CD80: variants seen among roughly 807,000 people sequenced by gnomAD.
The protein encoded by CD80 is CD80 molecule.
A neutral mutation model predicts 27.1 loss-of-function variants in CD80; 13 were observed. The ratio of observed to expected loss-of-function variants is 0.48; its 90% CI spans 0.31 to 0.76. The LOEUF (loss-of-function observed/expected upper bound fraction) is 0.76. Ranked by LOEUF, CD80 falls within the 30% of genes least tolerant of loss-of-function variation. The pLI is 0.04. For missense variants in CD80, 277 were observed against 347.9 expected, an observed-to-expected ratio of 0.80 and a Z score of 1.62; for synonymous variants, 125 against 125.5, an observed-to-expected ratio of 1.00 and a Z score of 0.03.
At chr3:119,525,856 A>C in intron 6 of CD80, 107 bp from the exon 7 acceptor site, 1 of 142,286 alleles carries the variant, frequency 7.0e-6, no homozygotes, top group South Asian at 2.1e-4. Flanking sequence ...TTTAAATTAT[A>C]TATGTATATA....
intron 3 of CD80, among the ~76,000 whole-genome samples, chr3:119,542,052 G>T (rs964712045): frequency 2.1e-5 from 3 of 144,168 alleles, no homozygotes; most frequent in African/African-American, 7.7e-5. Flanking sequence ...TATATTTGTG[G>T]TGCCACCCCC....
intron 4 of CD80, among the ~76,000 whole-genome samples, 196 bp from the exon 5 acceptor site, chr3:119,530,133 T>C (rs892149492): frequency 3.9e-5 from 6 of 152,196 alleles, no homozygotes; most frequent in Non-Finnish European, 7.3e-5. Context: ...AGATGTCACA[T>C]ATTAAAAGTG....
chr3:119,539,082 A>C (rs184285910), intron 3 of CD80, among the ~76,000 whole-genome samples: 3 of 152,340 alleles, frequency 2.0e-5, no homozygotes, highest in Non-Finnish European at 2.9e-5. Context: ...AAAAACTCTG[A>C]ACCACATCAG....
intron 3 of CD80, among the ~76,000 whole-genome samples, chr3:119,538,954 C>CA (rs1179379925): frequency 1.3e-5 from 2 of 151,938 alleles, no homozygotes; most frequent in Non-Finnish European, 1.5e-5. Flanking sequence ...CCCCATACCC[C>CA]AAAAAAACAC....
chr3:119,534,393 G>GAAA (rs71293250), intron 4 of CD80, among the ~76,000 whole-genome samples: 1 of 143,366 alleles, frequency 7.0e-6, no homozygotes. Context: ...AAAAGAAAAA[G>GAAA]AAAAAAAAAA....
intron 4 of CD80, among the ~76,000 whole-genome samples, chr3:119,536,815 A>G (rs1337775412): frequency 6.6e-6 from 1 of 152,218 alleles, no homozygotes; most frequent in African/African-American, 2.4e-5. Flanking sequence ...ATAAAATTAT[A>G]ATACCGTATT....
intron 5 of CD80, among the ~76,000 whole-genome samples, chr3:119,528,044 G>A (rs546670127): frequency 2.6e-5 from 4 of 152,110 alleles, no homozygotes; most frequent in Non-Finnish European, 4.4e-5. Flanking sequence ...TTTGATTGTC[G>A]CAACGGGCAA....
At chr3:119,554,281 A>G (rs1159699226) in intron 2 of CD80, among the ~76,000 whole-genome samples, 3 of 152,126 alleles carry the variant, frequency 2.0e-5, no homozygotes, top group Non-Finnish European at 2.9e-5. Flanking sequence ...ACTTTGGGGT[A>G]TTCTCTTTTC....
intron 3 of CD80, among the ~76,000 whole-genome samples, chr3:119,539,504 T>C (rs2082156165): frequency 6.6e-6 from 1 of 152,076 alleles, no homozygotes; most frequent in African/African-American, 2.4e-5. Context: ...TCACCACACT[T>C]TATTGTTTTT....
chr3:119,527,667 TG>T lies in CD80; in HGVS notation c.*38+65del, dbSNP rs1351156104. 9.6e-5 allele frequency: 89 copies of T among 928,546 alleles called. 2 individuals carry two copies. The East Asian group carries it at 1.8e-3, about 19-fold the overall frequency. 57.5% of individuals were successfully genotyped at this position (928,546 alleles called of 1,614,324 possible). ...GGTAGTGGGTAAAACAGCTTAAATT[TG>T]TTAAGGGAAGAATGCCTCATGATCC... On this transcript the variant is annotated intron_variant, in intron 6 of 6. Coordinates refer to ENST00000264246, the MANE Select transcript of CD80 (RefSeq NM_005191.4).
intron 3 of CD80, among the ~76,000 whole-genome samples, chr3:119,543,442 T>G (rs921649852): frequency 1.3e-5 from 2 of 151,410 alleles, no homozygotes; most frequent in African/African-American, 4.9e-5. Context: ...AGGGAAATGC[T>G]CACCCTCCTC....
chr3:119,549,316 A>G (rs1324712545), intron 2 of CD80, among the ~76,000 whole-genome samples: 3 of 152,208 alleles, frequency 2.0e-5, no homozygotes, highest in African/African-American at 7.2e-5. Context: ...ATATCAGCAT[A>G]TCAATATCTA....
chr3:119,556,945 C>A (rs2082267729), intron 2 of CD80, among the ~76,000 whole-genome samples: 1 of 152,096 alleles, frequency 6.6e-6, no homozygotes. Flanking sequence ...TGAGCAGGAA[C>A]AAAAGCCTCT....
rs2082101432 is a variant in CD80 at position 119,530,039 on chromosome 3, T to C, written c.701-102A>G. 7 of 797,160 alleles carry C rather than the reference T, an allele frequency of 8.8e-6. No individual in the cohort carries two copies. The South Asian group carries it at 1.2e-4, about 14-fold the overall frequency. 49.4% of individuals were successfully genotyped at this position (797,160 alleles called of 1,614,324 possible). A position where few individuals can be genotyped will look rare whatever the true frequency, so the allele number is the denominator to read the frequency against. ...ATGCAACTGTGGAGTATTCTTTGCC[T>C]GGTCAGCTCTCCAGTATGCAGCTGC... On this transcript the variant is annotated intron_variant, in intron 4 of 6. Coordinates refer to ENST00000264246, the MANE Select transcript of CD80 (RefSeq NM_005191.4).
Position 119,529,776 on chromosome 3 carries a change from C to T in CD80, c.796+66G>A, listed in dbSNP as rs572421700. The T allele has an allele frequency of 4.4e-5, 50 of 1,127,350 alleles. 1 individual carries two copies. Among genetic ancestry groups the T allele is most frequent in the South Asian group, 3.7e-4 (29 of 78,128 alleles). 69.8% of individuals were successfully genotyped at this position (1,127,350 alleles called of 1,614,324 possible). On this transcript the variant is annotated intron_variant, in intron 5 of 6. Transcript: ENST00000264246. ...ATAGGCTAAAACCTCAGAGAGATGC[C>T]GAACCATGGTAATAAAGTTTGATCT...
chr3:119,530,256 C>T (rs1363923427), intron 4 of CD80, among the ~76,000 whole-genome samples: 1 of 152,150 alleles, frequency 6.6e-6, no homozygotes, highest in Non-Finnish European at 1.5e-5. Context: ...CTGATTATAA[C>T]TATGTGTTAC....
At chr3:119,529,612 C>T (rs1429066003) in intron 5 of CD80, among the ~76,000 whole-genome samples, 4 of 152,192 alleles carry the variant, frequency 2.6e-5, no homozygotes, top group African/African-American at 9.7e-5. Context: ...GACTTCTTGT[C>T]ATTGTAATTC....
chr3:119,533,075 C>A (rs886702463), intron 4 of CD80, among the ~76,000 whole-genome samples: 1 of 152,198 alleles, frequency 6.6e-6, no homozygotes, highest in South Asian at 2.1e-4. Context: ...AGAAGTTTCA[C>A]AGGCTTCAGC....
intron 4 of CD80, among the ~76,000 whole-genome samples, chr3:119,532,559 A>G (rs548054453): frequency 6.6e-6 from 1 of 152,152 alleles, no homozygotes; most frequent in East Asian, 1.9e-4. Flanking sequence ...GGATGCCAGC[A>G]TCTCCACCTG....
Sources: allele counts gnomAD v4.1 joint callset (sites outside exome capture counted in the v4.1 genomes callset), GRCh38; gene constraint gnomAD v4.1.1; transcripts MANE v1.5; gene names NCBI Gene and HGNC (gene_info 2026-07-23, HGNC 2026-07-21).